COL4A5: variants seen among roughly 807,000 people sequenced by gnomAD.
COL4A5 encodes collagen type IV alpha 5 chain, also known as collagen alpha-5(IV) chain.
In COL4A5, 26 loss-of-function variants were observed where a neutral mutation model predicts 130.2. The observed-to-expected ratio is 0.20, with a 90% CI of 0.15 to 0.28. The LOEUF (loss-of-function observed/expected upper bound fraction) is 0.28. COL4A5 is among the 10% of genes least tolerant of loss of function. The pLI, the probability that COL4A5 is intolerant of heterozygous loss-of-function variation, is 1.00. For synonymous variants in COL4A5, 496 were observed against 439.6 expected, an observed-to-expected ratio of 1.13 and a Z score of -1.60; for missense variants, 1,131 against 1,344.3, an observed-to-expected ratio of 0.84 and a Z score of 2.48.
intron 8 of COL4A5, among the ~76,000 whole-genome samples, chrX:108,572,819 C>T (rs1490868120): frequency 9.0e-6 from 1 of 111,710 alleles, no homozygotes; most frequent in Non-Finnish European, 1.9e-5. Context: ...TACTGTGTAT[C>T]TAAGGTAAAG....
intron 25 of COL4A5, among the ~76,000 whole-genome samples, chrX:108,599,410 G>T (rs1329916537): frequency 3.6e-5 from 4 of 110,657 alleles, no homozygotes; most frequent in Non-Finnish European, 7.6e-5. Flanking sequence ...TGTGGCTATA[G>T]TGTATTCATT....
intron 36 of COL4A5, among the ~76,000 whole-genome samples, chrX:108,632,334 A>T (rs1027106980): frequency 2.7e-5 from 3 of 110,683 alleles, no homozygotes; most frequent in Admixed American, 1.9e-4. Context: ...TGAGGCAATA[A>T]TTAATAGCCT....
intron 40 of COL4A5, 114 bp from the exon 41 acceptor site, chrX:108,668,205 A>G (rs1166205251): frequency 9.9e-6 from 7 of 705,094 alleles, no homozygotes; most frequent in Middle Eastern, 4.6e-4. Flanking sequence ...GGTAGGAGAT[A>G]GAAATGACTC....
At chrX:108,559,419 T>C (rs1463008077) in intron 3 of COL4A5, among the ~76,000 whole-genome samples, 1 of 112,520 alleles carries the variant, frequency 8.9e-6, no homozygotes, top group Non-Finnish European at 1.9e-5. Flanking sequence ...GTCAAGAGCT[T>C]AGCTGAGCTG....
intron 49 of COL4A5, among the ~76,000 whole-genome samples, chrX:108,690,499 C>A (rs2068625749): frequency 1.8e-5 from 2 of 111,787 alleles, no homozygotes; most frequent in African/African-American, 3.2e-5. Flanking sequence ...GATAAGCATA[C>A]CCCTTTGAAT....
intron 1 of COL4A5, among the ~76,000 whole-genome samples, chrX:108,470,670 TTG>T (rs2064757999): frequency 1.8e-5 from 2 of 111,872 alleles, no homozygotes; most frequent in South Asian, 3.7e-4. Context: ...TTGTCAATTT[TTG>T]TTTTTGTTGC....
chrX:108,521,663 G>T (rs1037121590), intron 1 of COL4A5, among the ~76,000 whole-genome samples: 11 of 111,304 alleles, frequency 9.9e-5, no homozygotes, highest in African/African-American at 3.6e-4. Context: ...TGATTAAGAA[G>T]TCTTGTAGCG....
At chrX:108,533,530 T>C (rs1661822388) in intron 1 of COL4A5, among the ~76,000 whole-genome samples, 1 of 110,718 alleles carries the variant, frequency 9.0e-6, no homozygotes, top group Non-Finnish European at 1.9e-5. Flanking sequence ...ACTTAAGCAA[T>C]TCAACAAGCT....
intron 1 of COL4A5, among the ~76,000 whole-genome samples, chrX:108,507,552 T>C (rs1272787800): frequency 8.9e-6 from 1 of 112,231 alleles, no homozygotes; most frequent in African/African-American, 3.2e-5. Context: ...CTCACGCCTG[T>C]AGTCTCAGCA....
At chrX:108,688,793 T>C (rs1323138904) in intron 49 of COL4A5, among the ~76,000 whole-genome samples, 2 of 111,593 alleles carry the variant, frequency 1.8e-5, no homozygotes, top group Admixed American at 1.9e-4. Context: ...TTTAAGAAGA[T>C]AGTCTGGGCT....
chrX:108,611,582 G>T (rs1262876269), intron 29 of COL4A5, among the ~76,000 whole-genome samples: 1 of 111,289 alleles, frequency 9.0e-6, no homozygotes, highest in Non-Finnish European at 1.9e-5. Flanking sequence ...TTTCTTGAAA[G>T]ACATAAATTG....
chrX:108,591,007 A>T (rs760949715), intron 19 of COL4A5, 51 bp from the exon 20 acceptor site: 2 of 1,086,088 alleles, frequency 1.8e-6, no homozygotes, highest in Admixed American at 4.4e-5. Context: ...AATGAGAACT[A>T]AAGTAACATC....
At chrX:108,627,056 ATT>A in intron 36 of COL4A5, 1 of 675,782 alleles carries the variant, frequency 1.5e-6, no homozygotes, top group Non-Finnish European at 1.8e-6. Context: ...TGTAAGGATA[ATT>A]TTTCTTTTAA....
chrX:108,510,506 C>A (rs192317778), intron 1 of COL4A5, among the ~76,000 whole-genome samples: 1 of 109,772 alleles, frequency 9.1e-6, no homozygotes, highest in African/African-American at 3.3e-5. Flanking sequence ...GAAGGGATGA[C>A]AGAATTAGAA....
Position 108,626,199 on chromosome X carries a change from AT to A in COL4A5, c.3107-7del. 1.7e-6 allele frequency: 2 copies of A among 1,205,627 alleles called. No homozygotes were observed. The highest frequency in any genetic ancestry group is 4.4e-5 in the Admixed American group (2 of 45,831). On this transcript the variant is annotated splice_polypyrimidine_tract_variant and intron_variant, in intron 35 of 52. Transcript: ENST00000328300. ...TTTTGTAAAATATTATATATCACATATTTTCAACAGGGCCTCAGGGTGTGGA... is the reference window on the plus strand; with the variant it reads ...TTTTGTAAAATATTATATATCACATATTTCAACAGGGCCTCAGGGTGTGGA...
At chrX:108,642,902 C>T (rs978296977) in intron 36 of COL4A5, among the ~76,000 whole-genome samples, 44 of 103,349 alleles carry the variant, frequency 4.3e-4, no homozygotes, top group Non-Finnish European at 8.5e-4. Context: ...GGATCCAAAC[C>T]AAGAAGAAAT....
At chrX:108,609,632 G>A (rs760773143) in intron 29 of COL4A5, among the ~76,000 whole-genome samples, 5 of 111,245 alleles carry the variant, frequency 4.5e-5, no homozygotes, top group Admixed American at 1.9e-4. Flanking sequence ...AATTTTCTGT[G>A]TCTTGTCTAA....
At chrX:108,502,437 C>T (rs1415714280) in intron 1 of COL4A5, among the ~76,000 whole-genome samples, 1 of 110,014 alleles carries the variant, frequency 9.1e-6, no homozygotes, top group African/African-American at 3.3e-5. Context: ...GGGCATGCAC[C>T]ACCATGCCCG....
At chrX:108,536,076 C>T (rs2147646765) in intron 1 of COL4A5, among the ~76,000 whole-genome samples, 1 of 111,526 alleles carries the variant, frequency 9.0e-6, no homozygotes, top group Admixed American at 9.5e-5. Context: ...TTGTGAGGTT[C>T]TTTAGGTGAC....
Sources: allele counts gnomAD v4.1 joint callset (sites outside exome capture counted in the v4.1 genomes callset), GRCh38; gene constraint gnomAD v4.1.1; transcripts MANE v1.5; gene names NCBI Gene and HGNC (gene_info 2026-07-23, HGNC 2026-07-21).